Variants in ABR observed in about 807,000 individuals in gnomAD.
ABR encodes the protein active breakpoint cluster region-related protein.
A neutral mutation model predicts 107.2 loss-of-function variants in ABR; 35 were observed. That is an observed-to-expected ratio of 0.33 (90% CI 0.25 to 0.43). The LOEUF is 0.43. Among genes scored for constraint, ABR ranks in the 20% least tolerant of loss-of-function variants. The pLI, the probability that ABR is intolerant of heterozygous loss-of-function variation, is 1.00. For missense variants in ABR, 815 were observed against 1,115.2 expected (o/e 0.73, Z 3.83); for synonymous variants, 498 against 462.0 (o/e 1.08, Z -1.00).
At chr17:1,052,330 G>C (rs931825929) in intron 14 of ABR, among the ~76,000 whole-genome samples, 1 of 151,388 alleles carries the variant, frequency 6.6e-6, no homozygotes. Flanking sequence ...GCCCCTCCTC[G>C]AGGGGCTGGG....
chr17:1,123,087 C>T (rs1304516224), intron 2 of ABR, among the ~76,000 whole-genome samples: 2 of 152,142 alleles, frequency 1.3e-5, no homozygotes, highest in African/African-American at 2.4e-5. Context: ...CAGGAAGAGG[C>T]GTCAGCTCCC....
intron 1 of ABR, among the ~76,000 whole-genome samples, chr17:1,149,865 G>A (rs2040722779): frequency 6.6e-6 from 1 of 152,282 alleles, no homozygotes; most frequent in Non-Finnish European, 1.5e-5. Flanking sequence ...TGTGTCCTGG[G>A]GCAAGTTGCT....
At chr17:1,049,402 G>A (rs1409794011) in intron 16 of ABR, among the ~76,000 whole-genome samples, 1 of 151,932 alleles carries the variant, frequency 6.6e-6, no homozygotes. Flanking sequence ...TCCTGACCTC[G>A]TGATCCACCC....
At chr17:1,222,253 C>T (rs776569831) in intron 1 of ABR, among the ~76,000 whole-genome samples, 2 of 151,908 alleles carry the variant, frequency 1.3e-5, no homozygotes, top group Admixed American at 1.3e-4. Context: ...TTAGTAGAGA[C>T]GGGGTTTCAC....
At chr17:1,098,216 G>A (rs988721165) in intron 3 of ABR, among the ~76,000 whole-genome samples, 1 of 152,066 alleles carries the variant, frequency 6.6e-6, no homozygotes, top group African/African-American at 2.4e-5. Context: ...GGGACTACAG[G>A]TGCTCGCCAC....
chr17:1,125,513 G>C (rs1483708512), intron 1 of ABR, 146 bp from the exon 2 acceptor site: 4 of 695,508 alleles, frequency 5.8e-6, no homozygotes, highest in Non-Finnish European at 8.4e-6. Context: ...GCTGTGCGGG[G>C]GCCTGGGCCT....
At chr17:1,012,034 T>C (rs1170139703) in intron 18 of ABR, 49 bp from the exon 19 acceptor site, 2 of 1,607,038 alleles carry the variant, frequency 1.2e-6, no homozygotes, top group Admixed American at 3.3e-5. Context: ...ACGACAGCTC[T>C]CCCGTAGCAA....
rs940555666 is a variant in ABR, at chr17:1,037,821, C to G, written c.1791+12229G>C. 6.6e-6 allele frequency among the ~76,000 whole-genome samples: 1 copy of G among 152,144 alleles called. No individual in the cohort carries two copies. Among genetic ancestry groups the G allele is most frequent in the Non-Finnish European group, 1.5e-5 (1 of 68,024 alleles). On this transcript the variant is annotated intron_variant, in intron 16 of 22. Coordinates refer to ENST00000302538, the MANE Select transcript of ABR (RefSeq NM_021962.5). This position sits in a 1 kb window ranked among gnomAD's most constrained non-coding sequence, Gnocchi z 4.6. ...CGAACACCTCCCTTCCACCCAAGCT[C>G]CGAGCTCATGGTGGCCAGAAGCAAA...
chr17:1,152,554 G>A (rs1182036837), intron 1 of ABR, among the ~76,000 whole-genome samples: 15 of 151,704 alleles, frequency 9.9e-5, no homozygotes, highest in African/African-American at 3.4e-4. Context: ...TCGCGCCACT[G>A]CACTCCAGCC....
At chr17:1,217,404 G>A (rs1194647197) in intron 1 of ABR, among the ~76,000 whole-genome samples, 4 of 152,180 alleles carry the variant, frequency 2.6e-5, no homozygotes, top group African/African-American at 7.2e-5. Context: ...TCAGCAAGAA[G>A]CATGGCCAAA....
At chr17:1,198,063 C>A (rs1345343250) in intron 1 of ABR, among the ~76,000 whole-genome samples, 3 of 151,708 alleles carry the variant, frequency 2.0e-5, no homozygotes, top group Non-Finnish European at 4.4e-5. Flanking sequence ...GCCTTCTGGA[C>A]ATAAAGGAGC....
intron 1 of ABR, among the ~76,000 whole-genome samples, chr17:1,225,737 G>A (rs536510136): frequency 5.3e-4 from 80 of 152,192 alleles, no homozygotes; most frequent in East Asian, 7.7e-4. Context: ...TGCTTCCTAC[G>A]TGCCAGGACC....
upstream of ABR, among the ~76,000 whole-genome samples, chr17:1,190,825 C>A (rs8081687): frequency 2.0e-5 from 3 of 152,080 alleles, no homozygotes; most frequent in African/African-American, 7.2e-5. Context: ...GCGCTGCAGG[C>A]GAAGCTGTGA....
intron 1 of ABR, among the ~76,000 whole-genome samples, chr17:1,214,092 G>A (rs1184300886): frequency 6.6e-6 from 1 of 151,856 alleles, no homozygotes; most frequent in Non-Finnish European, 1.5e-5. Context: ...TCATCATGTT[G>A]GTCAGGCTGG....
intron 16 of ABR, among the ~76,000 whole-genome samples, chr17:1,035,353 CT>C (rs2073088295): frequency 8.1e-6 from 1 of 124,124 alleles, no homozygotes; most frequent in Admixed American, 8.2e-5. Flanking sequence ...CCCCCCACCC[CT>C]TCCACCCCCT....
chr17:1,165,361 G>A (rs1162731938), intron 1 of ABR, among the ~76,000 whole-genome samples: 1 of 152,220 alleles, frequency 6.6e-6, no homozygotes, highest in Admixed American at 6.5e-5. Flanking sequence ...CCGGGAGGAG[G>A]TGCAAGAGAG....
At chr17:1,103,515 TG>T (rs1436879854) in intron 2 of ABR, among the ~76,000 whole-genome samples, 1 of 152,098 alleles carries the variant, frequency 6.6e-6, no homozygotes, top group Non-Finnish European at 1.5e-5. Flanking sequence ...TGGACTAGGA[TG>T]GGGGGAAGAA....
chr17:1,033,964 A>C (rs2072990038), intron 16 of ABR, among the ~76,000 whole-genome samples: 1 of 136,878 alleles, frequency 7.3e-6, no homozygotes, highest in African/African-American at 2.8e-5. Context: ...GGTCCCACTC[A>C]TGTCATTTTT....
rs114998434 is a variant in ABR at position 1,102,622 on chromosome 17, G to A, written c.247-1887C>T. 7.2e-3 allele frequency among the ~76,000 whole-genome samples: 1,096 copies of A among 152,368 alleles called. 12 individuals are homozygous for A. The highest frequency in any genetic ancestry group is 0.024 in the African/African-American group (1,003 of 41,580). On this transcript the variant is annotated intron_variant, in intron 2 of 22. Transcript: ENST00000302538. ...GCCACATTCAAAGCAGTCCTGGGCC[G>A]TATGGCCGCAGGCTGGAAAAGCTTG...
Sources: gnomAD v4.1 joint callset for allele counts (sites outside exome capture counted in the v4.1 genomes callset) on GRCh38, gnomAD v4.1.1 for gene constraint, Gnocchi (gnomAD v3.1) non-coding constraint, MANE v1.5 for transcripts, NCBI Gene and HGNC (gene_info 2026-07-23, HGNC 2026-07-21) for gene names.